EPB41L4B: variants seen among roughly 807,000 people sequenced by gnomAD.
EPB41L4B encodes band 4.1-like protein 4B.
Under a neutral mutation model 112.5 loss-of-function variants are expected in EPB41L4B, and 30 were observed. That is an observed-to-expected ratio of 0.27 (90% CI 0.20 to 0.36). EPB41L4B has a LOEUF of 0.36. Among genes scored for constraint, EPB41L4B ranks in the 10% least tolerant of loss-of-function variants. The pLI is 1.00. For synonymous variants in EPB41L4B, 408 were observed against 439.7 expected (o/e 0.93, Z 0.90); for missense variants, 1,024 against 1,133.3 (o/e 0.90, Z 1.38).
chr9:109,225,388 G>T (rs751378242), intron 15 of EPB41L4B, among the ~76,000 whole-genome samples: 2 of 152,184 alleles, frequency 1.3e-5, no homozygotes, highest in African/African-American at 4.8e-5. Context: ...AAAGAAAGAG[G>T]TTTGATAAAT....
chr9:109,187,114 G>A (rs534518046), intron 22 of EPB41L4B, among the ~76,000 whole-genome samples: 1 of 152,254 alleles, frequency 6.6e-6, no homozygotes, highest in South Asian at 2.1e-4. Flanking sequence ...GGGTTTCAGG[G>A]AGGGACCATT....
rs923914843 is a variant in EPB41L4B, at chr9:109,320,333, C to T, written c.114G>A (p.Arg38=). 3.0e-6 allele frequency: 3 copies of T among 989,090 alleles called. No homozygotes were observed. The South Asian group carries it at 1.4e-4, about 45-fold the overall frequency. The allele number at this position is 989,090 out of a possible 1,614,324, so 61.3% of individuals were successfully genotyped here. A position where few individuals can be genotyped will look rare whatever the true frequency, so the allele number is the denominator to read the frequency against. The change falls in exon 1 of 26, where the codon CGG becomes CGA. Residue 38 remains arginine (R), a synonymous_variant. Coordinates refer to ENST00000374566, the MANE Select transcript of EPB41L4B (RefSeq NM_019114.5). ...AGGAGGCGGCGGCGGCCGGGCCCCC[C>T]CGTGGCCCCCCATCGCGCTCGTCCC... The part of the protein sequence containing the change: ...GLGDERDGGP[R]GGPAAAASSS...
In EPB41L4B at chr9:109,265,563, C is replaced by CACACACAA. The variant is rs1296993454; in HGVS notation, c.534-540_534-539insTTGTGTGT. 3.4e-3 allele frequency among the ~76,000 whole-genome samples: 519 copies of CACACACAA among 151,820 alleles called. 4 individuals carry two copies. The highest frequency in any genetic ancestry group is 0.012 in the African/African-American group (494 of 41,382). ...GGCACAGCACACAAACACACACACA[C>CACACACAA]ACACACACGAAACAAGAAAAATCCT... On this transcript the variant is annotated intron_variant, in intron 4 of 25. Coordinates refer to ENST00000374566, the MANE Select transcript of EPB41L4B (RefSeq NM_019114.5).
chr9:109,190,816 G>C (rs922343556), intron 22 of EPB41L4B, among the ~76,000 whole-genome samples: 4 of 152,214 alleles, frequency 2.6e-5, no homozygotes, highest in African/African-American at 9.6e-5. Flanking sequence ...ATGGTCCCAA[G>C]GCATTGTTCC....
At chr9:109,276,313 G>T (rs193016282) in intron 2 of EPB41L4B, among the ~76,000 whole-genome samples, 67 of 151,816 alleles carry the variant, frequency 4.4e-4, no homozygotes, top group African/African-American at 1.5e-3. Context: ...AAGGGTGAGG[G>T]GGGGGTCATC....
rs112659096 is a variant in EPB41L4B, at chr9:109,182,556, A to G, written c.2487+173T>C. On this transcript the variant is annotated intron_variant, in intron 24 of 25. Coordinates refer to ENST00000374566, the MANE Select transcript of EPB41L4B (RefSeq NM_019114.5). ...CTTTAAAATGGTTAATTTTATGTCA[A>G]TGTCACATCAATAAAATAGAGGCAG... 4.3e-3 allele frequency among the ~76,000 whole-genome samples: 659 copies of G among 152,330 alleles called. 7 individuals are homozygous for G. Among genetic ancestry groups the G allele is most frequent in the African/African-American group, 0.015 (625 of 41,560 alleles).
chr9:109,299,965 G>A (rs886966868), intron 1 of EPB41L4B, among the ~76,000 whole-genome samples: 1 of 152,124 alleles, frequency 6.6e-6, no homozygotes, highest in Non-Finnish European at 1.5e-5. Flanking sequence ...ACAACCCTAC[G>A]GTGAACAGAA....
intron 13 of EPB41L4B, among the ~76,000 whole-genome samples, 183 bp from the exon 14 acceptor site, chr9:109,247,972 C>A (rs1030023630): frequency 1.3e-5 from 2 of 152,104 alleles, no homozygotes; most frequent in Non-Finnish European, 2.9e-5. Context: ...ACAAGGAAAA[C>A]CCCAGACAGC....
intron 7 of EPB41L4B, 77 bp from the exon 8 acceptor site, chr9:109,256,557 T>C (rs1202485373): frequency 2.4e-6 from 3 of 1,231,378 alleles, no homozygotes; most frequent in Admixed American, 1.9e-5. Context: ...GGCCTTACTA[T>C]GGAACGTTAT....
intron 1 of EPB41L4B, among the ~76,000 whole-genome samples, chr9:109,312,924 C>T (rs1837471802): frequency 6.6e-6 from 1 of 152,088 alleles, no homozygotes; most frequent in Non-Finnish European, 1.5e-5. Flanking sequence ...TGGGGCAATT[C>T]CATTGTCACT....
At chr9:109,232,819 G>A (rs1833999889) in intron 15 of EPB41L4B, among the ~76,000 whole-genome samples, 1 of 152,152 alleles carries the variant, frequency 6.6e-6, no homozygotes, top group Non-Finnish European at 1.5e-5. Context: ...ATTCATTAGT[G>A]CTTAAAAATT....
chr9:109,246,714 C>A (rs1834571406), intron 14 of EPB41L4B, among the ~76,000 whole-genome samples: 1 of 152,232 alleles, frequency 6.6e-6, no homozygotes, highest in Non-Finnish European at 1.5e-5. Context: ...TTGATCCAGG[C>A]TGAGCTGTAA....
chr9:109,238,301 A>T (rs1352863008), intron 15 of EPB41L4B, among the ~76,000 whole-genome samples: 1 of 152,186 alleles, frequency 6.6e-6, no homozygotes, highest in Non-Finnish European at 1.5e-5. Context: ...TCAAACGAGA[A>T]CACAGCTGAC....
In EPB41L4B at chr9:109,312,827, G is replaced by A. The variant is rs150599338; in HGVS notation, c.306+7314C>T. Among the ~76,000 whole-genome samples, 909 of 152,188 alleles carry A rather than the reference G, an allele frequency of 6.0e-3. 7 individuals are homozygous for A. Among genetic ancestry groups the A allele is most frequent in the African/African-American group, 0.021 (876 of 41,516 alleles). On this transcript the variant is annotated intron_variant, in intron 1 of 25. Transcript: ENST00000374566. ...CTACCCCAAGGAACCCGGAGCCCAG[G>A]GATGGGGCTTTTCTGACCCCCATCT...
intron 1 of EPB41L4B, among the ~76,000 whole-genome samples, chr9:109,288,602 A>G (rs1250153924): frequency 6.6e-6 from 1 of 151,724 alleles, no homozygotes; most frequent in Non-Finnish European, 1.5e-5. Flanking sequence ...GGGCACCTGT[A>G]GTCCCAGCTA....
Position 109,174,352 on chromosome 9 carries a change from T to C in EPB41L4B, c.*202A>G. The C allele has an allele frequency of 1.8e-6, 1 of 552,482 alleles. No individual in the cohort carries two copies. The highest frequency in any genetic ancestry group is 3.0e-5 in the Admixed American group (1 of 33,220). The allele number at this position is 552,482 out of a possible 1,614,324, so 34.2% of individuals were successfully genotyped here. A position where few individuals can be genotyped will look rare whatever the true frequency, so the allele number is the denominator to read the frequency against. Reference sequence around the variant, plus strand: ...CAAATCCTGTCTCAACTACATAGAGTAATAGAAAAACTCTAATGCTTAGGA... The same window carrying C: ...CAAATCCTGTCTCAACTACATAGAGCAATAGAAAAACTCTAATGCTTAGGA... On this transcript the variant is annotated 3_prime_UTR_variant, in exon 26 of 26. Coordinates refer to ENST00000374566, the MANE Select transcript of EPB41L4B (RefSeq NM_019114.5).
chr9:109,251,439 CT>C (rs778220578), intron 13 of EPB41L4B, 41 bp downstream of exon 13: 3 of 1,587,468 alleles, frequency 1.9e-6, no homozygotes, highest in Non-Finnish European at 2.6e-6. Flanking sequence ...AAATACGATC[CT>C]TAGAGAGGAG....
chr9:109,288,160 T>C (rs1052823496), intron 1 of EPB41L4B, among the ~76,000 whole-genome samples: 4 of 152,160 alleles, frequency 2.6e-5, no homozygotes, highest in African/African-American at 9.6e-5. Flanking sequence ...ATGAAAGACA[T>C]TGAAGCCAGC....
chr9:109,207,920 G>C lies in EPB41L4B; in HGVS notation c.1878+4C>G. The C allele has an allele frequency of 6.2e-7, 1 of 1,613,942 alleles. No individual in the cohort carries two copies. Among genetic ancestry groups the C allele is most frequent in the South Asian group, 1.1e-5 (1 of 91,046 alleles). On this transcript the variant is annotated splice_donor_region_variant and intron_variant, in intron 18 of 25. Coordinates refer to ENST00000374566, the MANE Select transcript of EPB41L4B (RefSeq NM_019114.5). ...AATCAAAGGAATGTATGCATTCTGC[G>C]CACCTGGATGTTCACTCGGGAAGCA...
Sources: allele counts gnomAD v4.1 joint callset (sites outside exome capture counted in the v4.1 genomes callset), GRCh38; gene constraint gnomAD v4.1.1; transcripts MANE v1.5; gene names NCBI Gene and HGNC (gene_info 2026-07-23, HGNC 2026-07-21).